The following CPEB3 variants were observed in gnomAD, a reference collection of about 807,000 sequenced individuals.
The protein encoded by CPEB3 is cytoplasmic polyadenylation element binding protein 3, also known as cytoplasmic polyadenylation element-binding protein 3.
CPEB3 carries 20 observed loss-of-function variants against 67.2 expected under a neutral mutation model. The observed-to-expected ratio is 0.30, with a 90% CI of 0.21 to 0.43. The LOEUF (loss-of-function observed/expected upper bound fraction) is 0.43, where lower values mean the gene tolerates loss of function less well. Among genes scored for constraint, CPEB3 ranks in the 20% least tolerant of loss-of-function variants. The probability of loss-of-function intolerance (pLI) is 1.00; values close to 1 mark genes in which losing one functional copy is unlikely to be tolerated. For synonymous variants in CPEB3, 376 were observed against 393.1 expected (o/e 0.96, Z 0.51); for missense variants, 746 against 968.6 (o/e 0.77, Z 3.05).
chr10:92,204,702 CAA>C (rs1849694121), intron 2 of CPEB3, among the ~76,000 whole-genome samples: 1 of 152,028 alleles, frequency 6.6e-6, no homozygotes, highest in African/African-American at 2.4e-5. Context: ...CCTTGAATCT[CAA>C]GTTTATTGTA....
In CPEB3 at chr10:92,167,427, T is replaced by C. The variant is rs538393220; in HGVS notation, c.1222+13536A>G. 1.8e-4 allele frequency among the ~76,000 whole-genome samples: 28 copies of C among 152,312 alleles called. No homozygotes were observed. In the South Asian group the frequency reaches 3.9e-3, roughly 21 times the overall value. On this transcript the variant is annotated intron_variant, in intron 4 of 9. Coordinates refer to ENST00000265997, the MANE Select transcript of CPEB3 (RefSeq NM_014912.5). ...TGCAACTCTTTCTTTCACTTGAACA[T>C]TTTGAGGCCATTTTAGGATTATTAA...
At chr10:92,058,619 T>C (rs1477036796) in intron 9 of CPEB3, among the ~76,000 whole-genome samples, 1 of 150,304 alleles carries the variant, frequency 6.7e-6, no homozygotes, top group African/African-American at 2.4e-5. Context: ...AAATTAATTA[T>C]ATATATACAC....
chr10:92,158,752 C>G (rs1847325816), intron 4 of CPEB3, among the ~76,000 whole-genome samples: 1 of 152,140 alleles, frequency 6.6e-6, no homozygotes, highest in Admixed American at 6.5e-5. Context: ...CCACCTCAGG[C>G]CATGCTTAAT....
chr10:92,076,854 AAGG>A (rs1353356932), intron 9 of CPEB3, among the ~76,000 whole-genome samples: 9 of 151,144 alleles, frequency 6.0e-5, no homozygotes, highest in South Asian at 2.1e-4. Flanking sequence ...AGAGAGAAGA[AAGG>A]AGGAGGAGGA....
At chr10:92,240,937 T>C (rs1851821180) in intron 1 of CPEB3, among the ~76,000 whole-genome samples, 1 of 152,218 alleles carries the variant, frequency 6.6e-6, no homozygotes, top group South Asian at 2.1e-4. Flanking sequence ...TTGTTTCATT[T>C]AGCTGCAGCG....
intron 6 of CPEB3, among the ~76,000 whole-genome samples, chr10:92,127,121 A>G (rs1590197283): frequency 6.6e-6 from 1 of 152,202 alleles, no homozygotes; most frequent in Non-Finnish European, 1.5e-5. Context: ...GGTCATAATA[A>G]GCATTTTAAA....
At chr10:92,080,767 T>G (rs79020404) in intron 9 of CPEB3, among the ~76,000 whole-genome samples, 2,147 of 152,064 alleles carry the variant, frequency 0.014, 50 homozygotes, top group African/African-American at 0.048. Context: ...CTAATTTTTT[T>G]TGTGTTTTTA....
In CPEB3 at chr10:92,111,213, A is replaced by G. The variant is rs1373501169; in HGVS notation, c.1454-19T>C. On this transcript the variant is annotated intron_variant, in intron 6 of 9. Transcript: ENST00000265997. ...GCATAGCCTTGGGGAGAGCAAAAAC[A>G]AAAGGGTAGAGGAAGAATCAGTACA... The G allele has an allele frequency of 1.4e-6, 2 of 1,454,068 alleles. No homozygotes were observed. The highest frequency in any genetic ancestry group is 2.3e-5 in the East Asian group (1 of 44,098). 90.1% of individuals were successfully genotyped at this position (1,454,068 alleles called of 1,614,324 possible).
chr10:92,150,752 TTTC>T (rs1564820547), intron 4 of CPEB3, among the ~76,000 whole-genome samples: 1 of 152,204 alleles, frequency 6.6e-6, no homozygotes, highest in East Asian at 1.9e-4. Context: ...CTCTAACATA[TTTC>T]TTTTTTTTAA....
intron 1 of CPEB3, chr10:92,272,290 A>T (rs1358453269): frequency 6.6e-6 from 1 of 152,028 alleles, no homozygotes; most frequent in Non-Finnish European, 1.5e-5. Context: ...CTATCTCATC[A>T]TTTTTTTAGC....
intron 8 of CPEB3, among the ~76,000 whole-genome samples, chr10:92,086,635 C>T (rs1843386198): frequency 6.6e-6 from 1 of 152,178 alleles, no homozygotes. Flanking sequence ...GAGCTCTGGG[C>T]ACACTGCTGA....
intron 9 of CPEB3, among the ~76,000 whole-genome samples, chr10:92,054,089 G>A (rs931138992): frequency 1.6e-4 from 25 of 152,190 alleles, no homozygotes; most frequent in African/African-American, 4.6e-4. Context: ...CTTCTTTGGA[G>A]ATATACAACT....
chr10:92,100,113 C>T (rs190436746), intron 7 of CPEB3, among the ~76,000 whole-genome samples: 69 of 152,196 alleles, frequency 4.5e-4, no homozygotes, highest in African/African-American at 1.5e-3. Context: ...CCAGCCTGGG[C>T]GACAGAACCA....
chr10:92,205,500 G>A (rs1306873022), intron 2 of CPEB3, among the ~76,000 whole-genome samples: 35 of 123,226 alleles, frequency 2.8e-4, no homozygotes, highest in African/African-American at 8.7e-4. Flanking sequence ...TTTTTGAGAC[G>A]GAGTCTCACT....
chr10:92,209,968 A>G (rs1001744841), intron 2 of CPEB3, among the ~76,000 whole-genome samples: 1 of 148,120 alleles, frequency 6.8e-6, no homozygotes, highest in African/African-American at 2.5e-5. Flanking sequence ...AAAAAAGTGG[A>G]ATTTCAAGGA....
At chr10:92,075,449 G>A (rs1290914784) in intron 9 of CPEB3, among the ~76,000 whole-genome samples, 1 of 152,208 alleles carries the variant, frequency 6.6e-6, no homozygotes, top group East Asian at 1.9e-4. Flanking sequence ...AAATACCTCT[G>A]TGTTCTAAAA....
chr10:92,207,444 T>C (rs1357506684), intron 2 of CPEB3, among the ~76,000 whole-genome samples: 1 of 152,216 alleles, frequency 6.6e-6, no homozygotes, highest in African/African-American at 2.4e-5. Flanking sequence ...GCCTGCACTT[T>C]AATTTTGACT....
At chr10:92,101,823 G>A (rs113036016) in intron 7 of CPEB3, among the ~76,000 whole-genome samples, 11,463 of 152,152 alleles carry the variant, frequency 0.075, 1,436 homozygotes, top group African/African-American at 0.26. Context: ...CAGGAGAATC[G>A]CTTGAACCTG....
intron 1 of CPEB3, among the ~76,000 whole-genome samples, chr10:92,247,501 G>C (rs879285745): frequency 1.3e-5 from 2 of 151,972 alleles, no homozygotes; most frequent in African/African-American, 2.4e-5. Context: ...CAGGTCAAGC[G>C]ATTCTCCTGC....
Sources: allele counts gnomAD v4.1 joint callset (sites outside exome capture counted in the v4.1 genomes callset), GRCh38; gene constraint gnomAD v4.1.1; transcripts MANE v1.5; gene names NCBI Gene and HGNC (gene_info 2026-07-23, HGNC 2026-07-21).